RASGRP3: variants seen among roughly 807,000 people sequenced by gnomAD.
The protein encoded by RASGRP3 is ras guanyl-releasing protein 3.
Under a neutral mutation model 82.7 loss-of-function variants are expected in RASGRP3, and 54 were observed. That is an observed-to-expected ratio of 0.65 (90% confidence interval 0.52 to 0.82). The LOEUF (loss-of-function observed/expected upper bound fraction) is 0.82. RASGRP3 is among the 40% of genes least tolerant of loss of function. The pLI, the probability that RASGRP3 is intolerant of heterozygous loss-of-function variation, is 0.00. For synonymous variants in RASGRP3, 309 were observed against 300.5 expected (o/e 1.03, Z -0.29); for missense variants, 861 against 828.9 (o/e 1.04, Z -0.48).
intron 1 of RASGRP3, among the ~76,000 whole-genome samples, chr2:33,496,930 C>G (rs1335929034): frequency 6.6e-6 from 1 of 152,110 alleles, no homozygotes; most frequent in African/African-American, 2.4e-5. Context: ...TGCATGAAAG[C>G]AATACGTTTT....
chr2:33,542,181 T>C (rs1393496633), intron 12 of RASGRP3, among the ~76,000 whole-genome samples: 2 of 147,420 alleles, frequency 1.4e-5, no homozygotes. Context: ...GTAAGATTAT[T>C]AGTCATTTAA....
chr2:33,533,983 A>G (rs923569140), intron 10 of RASGRP3: 1 of 223,304 alleles, frequency 4.5e-6, no homozygotes. Context: ...AGCATTTATT[A>G]CATTTACAAG....
At chr2:33,499,643 T>G (rs941763233) in intron 1 of RASGRP3, among the ~76,000 whole-genome samples, 4 of 152,080 alleles carry the variant, frequency 2.6e-5, no homozygotes, top group African/African-American at 9.7e-5. Flanking sequence ...TTAAAAAATC[T>G]GAAATATTTA....
chr2:33,486,225 C>A (rs1178574403), intron 1 of RASGRP3, among the ~76,000 whole-genome samples: 1 of 149,650 alleles, frequency 6.7e-6, no homozygotes, highest in Admixed American at 6.7e-5. Flanking sequence ...GGTATAGTGG[C>A]ACAATCTTGG....
chr2:33,483,486 ATTTT>A (rs202150682), intron 1 of RASGRP3, among the ~76,000 whole-genome samples: 2 of 125,932 alleles, frequency 1.6e-5, no homozygotes, highest in African/African-American at 5.9e-5. Context: ...TTTAGCCACT[ATTTT>A]TTTTTTTTTT....
chr2:33,557,201 T>C (rs756077470), intron 15 of RASGRP3, among the ~76,000 whole-genome samples: 4 of 152,142 alleles, frequency 2.6e-5, no homozygotes, highest in Admixed American at 6.5e-5. Flanking sequence ...CCATCTGAAG[T>C]GGCCACATTT....
intron 12 of RASGRP3, 74 bp from the exon 13 acceptor site, chr2:33,543,438 A>G: frequency 2.4e-6 from 2 of 844,052 alleles, no homozygotes; most frequent in Admixed American, 5.1e-5. Flanking sequence ...TATGCTAGTT[A>G]TCGTTGCTTT....
rs570115292 is a variant in RASGRP3, at chr2:33,540,354, C to G, written c.1278+1144C>G. 2.3e-4 allele frequency among the ~76,000 whole-genome samples: 34 copies of G among 146,298 alleles called. 1 individual carries two copies. Among genetic ancestry groups the G allele is most frequent in the African/African-American group, 7.1e-4 (29 of 41,124 alleles). Reference sequence around the variant, plus strand: ...GGTCCAGTGGAGCCCGTGGTAGTAACAGACCCAGCTTGGAGCTGGGGAAGG... The same window carrying G: ...GGTCCAGTGGAGCCCGTGGTAGTAAGAGACCCAGCTTGGAGCTGGGGAAGG... On this transcript the variant is annotated intron_variant, in intron 12 of 17. Coordinates refer to ENST00000403687, the MANE Select transcript of RASGRP3 (RefSeq NM_001139488.2).
intron 2 of RASGRP3, among the ~76,000 whole-genome samples, chr2:33,455,990 T>G (rs937492418): frequency 1.3e-5 from 2 of 152,226 alleles, no homozygotes; most frequent in African/African-American, 4.8e-5. Flanking sequence ...TTTACCCTTC[T>G]GCTGAAATTA....
At chr2:33,442,062 A>G (rs1665253013) in intron 1 of RASGRP3, among the ~76,000 whole-genome samples, 1 of 152,214 alleles carries the variant, frequency 6.6e-6, no homozygotes, top group Non-Finnish European at 1.5e-5. Flanking sequence ...CTACAAAATT[A>G]TGTATATAGT....
At chr2:33,519,386 G>A (rs564545649) in intron 4 of RASGRP3, among the ~76,000 whole-genome samples, 1 of 152,180 alleles carries the variant, frequency 6.6e-6, no homozygotes, top group Non-Finnish European at 1.5e-5. Flanking sequence ...GGAGGCCGAG[G>A]TGGGCGGATC....
chr2:33,510,563 T>C lies in RASGRP3; in HGVS notation c.-260-1147T>C, dbSNP rs756796251. Among the ~76,000 whole-genome samples the C allele has an allele frequency of 4.6e-5, 7 of 152,290 alleles. No homozygotes were observed. In the South Asian group the frequency reaches 1.5e-3, roughly 32 times the overall value. On this transcript the variant is annotated intron_variant, in intron 1 of 17. Transcript: ENST00000403687. ...CTTTTCTCTTCTCTAAATGAACACCTCTCTCCCTTTCGCTTCTACAAATTG... is the reference window on the plus strand; with the variant it reads ...CTTTTCTCTTCTCTAAATGAACACCCCTCTCCCTTTCGCTTCTACAAATTG...
At chr2:33,528,767 G>A (rs1202217669) in intron 10 of RASGRP3, among the ~76,000 whole-genome samples, 2 of 152,260 alleles carry the variant, frequency 1.3e-5, no homozygotes, top group East Asian at 3.9e-4. Flanking sequence ...AGCAGAAGTG[G>A]CCAACACACA....
intron 15 of RASGRP3, among the ~76,000 whole-genome samples, chr2:33,557,373 A>C (rs1676102417): frequency 6.6e-6 from 1 of 152,234 alleles, no homozygotes; most frequent in Admixed American, 6.5e-5. Context: ...AGAAGATATA[A>C]TCACTGGCCC....
chr2:33,523,131 C>A (rs914427752), intron 7 of RASGRP3, among the ~76,000 whole-genome samples: 1 of 151,832 alleles, frequency 6.6e-6, no homozygotes, highest in Admixed American at 6.6e-5. Context: ...TATTGTATAC[C>A]GTTATATCTT....
intron 10 of RASGRP3, among the ~76,000 whole-genome samples, chr2:33,530,446 T>C (rs1673005326): frequency 6.6e-6 from 1 of 151,170 alleles, no homozygotes; most frequent in Non-Finnish European, 1.5e-5. Flanking sequence ...ACACATACCC[T>C]GCAATGCAGC....
At position 33,558,339 on chromosome 2, in the gene RASGRP3, A is replaced by G. The variant is rs1676250354; in HGVS notation, c.1705+3A>G. 6.2e-6 allele frequency: 10 copies of G among 1,612,908 alleles called. No individual in the cohort carries two copies. The highest frequency in any genetic ancestry group is 5.1e-6 in the Non-Finnish European group (6 of 1,179,858). On this transcript the variant is annotated splice_donor_region_variant and intron_variant, in intron 16 of 17. Transcript: ENST00000403687. ...TGGAAGCCCCTCGCTGCCCCCAGGTAATGCCCTCTGCTTTCTTTGCTGCCA... is the reference window on the plus strand; with the variant it reads ...TGGAAGCCCCTCGCTGCCCCCAGGTGATGCCCTCTGCTTTCTTTGCTGCCA...
intron 11 of RASGRP3, among the ~76,000 whole-genome samples, chr2:33,535,272 C>T (rs955772995): frequency 4.6e-5 from 7 of 152,206 alleles, no homozygotes; most frequent in African/African-American, 1.7e-4. Context: ...ATATACACCA[C>T]TCATTGGTTT....
At position 33,563,295 on chromosome 2, in the gene RASGRP3, G is replaced by T. The variant is rs1676895629; in HGVS notation, c.*558G>T. ...TTCCTGAGGACTAGGAAGCTCATCA[G>T]ACACTGGAATGCAGTGATTCTTCTA... On this transcript the variant is annotated 3_prime_UTR_variant, in exon 18 of 18. Transcript: ENST00000403687. 1 of 152,630 alleles carries T rather than the reference G, an allele frequency of 6.6e-6. No individual in the cohort carries two copies. The highest frequency in any genetic ancestry group is 2.1e-4 in the South Asian group (1 of 4,858). The allele number at this position is 152,630 out of a possible 1,614,324, so 9.5% of individuals were successfully genotyped here. A position where few individuals can be genotyped will look rare whatever the true frequency, so the allele number is the denominator to read the frequency against.
Sources: allele counts gnomAD v4.1 joint callset (sites outside exome capture counted in the v4.1 genomes callset), GRCh38; gene constraint gnomAD v4.1.1; transcripts MANE v1.5; gene names NCBI Gene and HGNC (gene_info 2026-07-23, HGNC 2026-07-21).